VPS54: variants seen among roughly 807,000 people sequenced by gnomAD.
VPS54 encodes the protein VPS54 subunit of GARP complex, also known as vacuolar protein sorting-associated protein 54.
Under a neutral mutation model 121.5 loss-of-function variants are expected in VPS54, and 45 were observed. The observed-to-expected ratio is 0.37, with a 90% confidence interval of 0.29 to 0.47. VPS54 has a LOEUF of 0.47. VPS54 is among the 20% of genes least tolerant of loss of function. The pLI, the probability that VPS54 is intolerant of heterozygous loss-of-function variation, is 0.99. For missense variants in VPS54, 1,090 were observed against 1,131.4 expected (o/e 0.96, Z 0.52); for synonymous variants, 371 against 385.8 (o/e 0.96, Z 0.45).
intron 1 of VPS54, among the ~76,000 whole-genome samples, chr2:64,013,515 A>G (rs1406897385): frequency 6.6e-6 from 1 of 150,770 alleles, no homozygotes; most frequent in Non-Finnish European, 1.5e-5. Context: ...AGTATAGAGT[A>G]TACATCAAAT....
chr2:64,013,536 AG>A (rs1678526159), intron 1 of VPS54, among the ~76,000 whole-genome samples: 1 of 147,790 alleles, frequency 6.8e-6, no homozygotes, highest in Non-Finnish European at 1.5e-5. Context: ...AATGTTATTA[AG>A]TAAATGCTGA....
rs1171722953 is a variant in VPS54, at chr2:63,892,409, TTTAC to T, written c.*1017_*1020del. On this transcript the variant is annotated 3_prime_UTR_variant, in exon 23 of 23. Coordinates refer to ENST00000272322, the MANE Select transcript of VPS54 (RefSeq NM_016516.3). ...TTTGAAGGTAGGTATTATAAAAGTC[TTTAC>T]TTGTCACCTTATTTCTGGCCCCAAC... The T allele has an allele frequency of 6.6e-6, 1 of 152,276 alleles. No individual in the cohort carries two copies. The highest frequency in any genetic ancestry group is 1.5e-5 in the Non-Finnish European group (1 of 68,022). The allele number at this position is 152,276 out of a possible 1,614,324, so 9.4% of individuals were successfully genotyped here.
intron 12 of VPS54, among the ~76,000 whole-genome samples, chr2:63,927,667 G>C (rs114672991): frequency 6.6e-6 from 1 of 152,164 alleles, no homozygotes; most frequent in Non-Finnish European, 1.5e-5. Flanking sequence ...TGAGTTAGAC[G>C]AGCTGACGGA....
chr2:63,962,104 T>C lies in VPS54; in HGVS notation c.964A>G (p.Thr322Ala). ...AGTTCCTGCTGTAGAACCTCTTGTG[T>C]TGTTGCTATTAAGTCCAATGCTCCA... ...FVGALDLIAT[T>A]QEVLQQELQG... Residue 322 changes from threonine (T) to alanine (A), a missense_variant, in exon 7 of 23, where the codon ACA (threonine) becomes GCA (alanine). Physicochemically the swap from Thr to Ala is moderately conservative, Grantham distance 58 (BLOSUM62 0). Around this residue, in one of 2 missense-constraint regions of VPS54, gnomAD observed 801 missense variants for 757.0 expected, o/e 1.06. Coordinates refer to ENST00000272322, the MANE Select transcript of VPS54 (RefSeq NM_016516.3). 6.3e-7 allele frequency: 1 copy of C among 1,599,232 alleles called. No individual in the cohort carries two copies. The highest frequency in any genetic ancestry group is 8.6e-7 in the Non-Finnish European group (1 of 1,167,514).
Position 63,966,888 on chromosome 2 carries a change from G to A in VPS54, c.493-922C>T, listed in dbSNP as rs556925725. On this transcript the variant is annotated intron_variant, in intron 5 of 22. Coordinates refer to ENST00000272322, the MANE Select transcript of VPS54 (RefSeq NM_016516.3). ...TGCATATCTTTACATACATACTTCT[G>A]GCCTAGAACGCCTTTTCTTGTACAT... Among the ~76,000 whole-genome samples the A allele has an allele frequency of 3.9e-5, 6 of 152,154 alleles. No homozygotes were observed. In the East Asian group the frequency reaches 1.2e-3, roughly 29 times the overall value.
chr2:63,969,637 T>C (rs12990604), intron 4 of VPS54, among the ~76,000 whole-genome samples: 26,984 of 152,128 alleles, frequency 0.18, 3,174 homozygotes, highest in Non-Finnish European at 0.24. Context: ...TCATTATATT[T>C]TACAATGTAA....
chr2:63,960,639 G>C (rs1295338217), intron 7 of VPS54, among the ~76,000 whole-genome samples: 3 of 152,148 alleles, frequency 2.0e-5, no homozygotes, highest in African/African-American at 4.8e-5. Flanking sequence ...CAACACTCAT[G>C]ATATTATACA....
chr2:64,005,057 C>A (rs1428837548), intron 1 of VPS54, among the ~76,000 whole-genome samples: 1 of 143,804 alleles, frequency 7.0e-6, no homozygotes, highest in Non-Finnish European at 1.5e-5. Flanking sequence ...GTATTACAGG[C>A]ATGAGCTACC....
At chr2:63,953,944 ATAT>A (rs1484335859) in intron 7 of VPS54, among the ~76,000 whole-genome samples, 2 of 152,196 alleles carry the variant, frequency 1.3e-5, no homozygotes, top group Non-Finnish European at 2.9e-5. Context: ...TCTCAGAACA[ATAT>A]TATTAATACA....
At chr2:63,903,285 C>A (rs568231695) in intron 20 of VPS54, among the ~76,000 whole-genome samples, 1 of 152,164 alleles carries the variant, frequency 6.6e-6, no homozygotes, top group African/African-American at 2.4e-5. Flanking sequence ...GACAACTGAA[C>A]TGAATTCTAC....
intron 7 of VPS54, among the ~76,000 whole-genome samples, chr2:63,958,593 C>G (rs949718140): frequency 6.6e-6 from 1 of 152,058 alleles, no homozygotes; most frequent in South Asian, 2.1e-4. Flanking sequence ...CACAGACCTA[C>G]AGTCTTAGCT....
chr2:63,981,911 T>G, intron 2 of VPS54, 24 bp from the exon 3 acceptor site: 1 of 1,599,212 alleles, frequency 6.3e-7, no homozygotes, highest in Non-Finnish European at 8.5e-7. Flanking sequence ...ACAAGAGAAC[T>G]CTGTAAATGC....
intron 7 of VPS54, among the ~76,000 whole-genome samples, chr2:63,960,184 G>C (rs1281645058): frequency 6.6e-6 from 1 of 151,780 alleles, no homozygotes; most frequent in Non-Finnish European, 1.5e-5. Context: ...GTTACAGTGA[G>C]CTAAGAGCGC....
chr2:63,946,334 G>T (rs1233057187), intron 9 of VPS54, among the ~76,000 whole-genome samples: 1 of 152,048 alleles, frequency 6.6e-6, no homozygotes, highest in East Asian at 1.9e-4. Context: ...AAATAGTACT[G>T]CCAGGAACAT....
rs141217821 is a variant in VPS54, at chr2:63,926,168, G to T, written c.1740-4833C>A. ...GATGAAAATGAAATGCTAAAAGCCA[G>T]AACAGCCACCTTAGACACAGATGAA... On this transcript the variant is annotated intron_variant, in intron 12 of 22. Coordinates refer to ENST00000272322, the MANE Select transcript of VPS54 (RefSeq NM_016516.3). Among the ~76,000 whole-genome samples, 248 of 152,284 alleles carry T rather than the reference G, an allele frequency of 1.6e-3. No individual in the cohort carries two copies. The Middle Eastern group carries it at 0.02, about 13-fold the overall frequency.
At chr2:63,903,457 C>T (rs1430708798) in intron 20 of VPS54, among the ~76,000 whole-genome samples, 1 of 151,900 alleles carries the variant, frequency 6.6e-6, no homozygotes, top group Non-Finnish European at 1.5e-5. Flanking sequence ...TGAAGAACTC[C>T]AAAAATTTAT....
chr2:63,914,229 G>A lies in VPS54; in HGVS notation c.2287C>T (p.Pro763Ser), dbSNP rs753594180. ...LEYCQCVDNI[P>S]SVTTDMLTRL... Reference sequence around the variant, plus strand: ...GTAAGCATGTCAGTAGTAACAGATGGGATGTTATCCACACACTGGCAATAT... The same window carrying A: ...GTAAGCATGTCAGTAGTAACAGATGAGATGTTATCCACACACTGGCAATAT... Residue 763 changes from proline to serine, a missense_variant, in exon 17 of 23, where the codon CCA becomes TCA. Physicochemically the swap from Pro to Ser is moderately conservative, Grantham distance 74. This residue lies in a region of VPS54 where 289 missense variants were observed against 374.4 expected (regional missense o/e 0.77). Coordinates refer to ENST00000272322, the MANE Select transcript of VPS54 (RefSeq NM_016516.3). 5 of 1,613,594 alleles carry A rather than the reference G, an allele frequency of 3.1e-6. No individual in the cohort carries two copies. The Admixed American group carries it at 6.7e-5, about 22-fold the overall frequency.
chr2:63,936,987 T>TA (rs753890430), intron 11 of VPS54, among the ~76,000 whole-genome samples: 1 of 152,066 alleles, frequency 6.6e-6, no homozygotes, highest in Non-Finnish European at 1.5e-5. Flanking sequence ...ATACCACCTA[T>TA]AAAAACAAAC....
intron 16 of VPS54, among the ~76,000 whole-genome samples, chr2:63,916,460 ATTAC>A (rs1046454891): frequency 1.3e-5 from 2 of 152,150 alleles, no homozygotes; most frequent in Non-Finnish European, 1.5e-5. Flanking sequence ...CTTTACATGA[ATTAC>A]TTAATTTTCG....
Sources: allele counts gnomAD v4.1 joint callset (sites outside exome capture counted in the v4.1 genomes callset), GRCh38; gene constraint gnomAD v4.1.1; regional missense constraint gnomAD v4.1.1; transcripts MANE v1.5; gene names NCBI Gene and HGNC (gene_info 2026-07-23, HGNC 2026-07-21).